AFAP1L2: variants seen among roughly 807,000 people sequenced by gnomAD.
AFAP1L2 encodes the protein actin filament associated protein 1 like 2, also known as actin filament-associated protein 1-like 2.
In AFAP1L2, 46 loss-of-function variants were observed where a neutral mutation model predicts 99.3. That is an observed-to-expected ratio of 0.46 (90% confidence interval 0.37 to 0.59). AFAP1L2 has a LOEUF of 0.59. Ranked by LOEUF, AFAP1L2 falls within the 20% of genes least tolerant of loss-of-function variation. The pLI is 0.00. For missense variants in AFAP1L2, 959 were observed against 1,034.9 expected (o/e 0.93, Z 1.01); for synonymous variants, 397 against 419.1 (o/e 0.95, Z 0.64).
At chr10:114,291,348 C>T (rs1033751633), downstream of AFAP1L2, 14 of 1,301,974 alleles carry the variant, frequency 1.1e-5, no homozygotes, top group Non-Finnish European at 1.3e-5. Flanking sequence ...TGCCCCAGGT[C>T]CTTAGAATGT....
intron 1 of AFAP1L2, among the ~76,000 whole-genome samples, chr10:114,398,077 C>T (rs972908259): frequency 6.6e-6 from 1 of 152,168 alleles, no homozygotes; most frequent in Non-Finnish European, 1.5e-5. Context: ...GAGGCAGGCT[C>T]CTCCTGTTTT....
the AFAP1L2 span, chr10:114,282,560 C>T: frequency 2.5e-6 from 4 of 1,613,898 alleles, no homozygotes; most frequent in African/African-American, 1.3e-5. Context: ...TGCTACAGGA[C>T]CACCTGCCCA....
the AFAP1L2 span, chr10:114,286,579 C>A: frequency 7.3e-7 from 1 of 1,375,890 alleles, no homozygotes; most frequent in African/African-American, 1.4e-5. Context: ...TTGGCCACCA[C>A]CTAACCATCA....
intron 7 of AFAP1L2, among the ~76,000 whole-genome samples, chr10:114,312,080 C>T (rs1361459093): frequency 2.6e-5 from 4 of 152,122 alleles, no homozygotes; most frequent in Admixed American, 1.3e-4. Context: ...CTGCTGAAAG[C>T]GTTCTTGTCT....
chr10:114,352,911 A>T (rs2050760118), intron 1 of AFAP1L2, among the ~76,000 whole-genome samples: 1 of 152,206 alleles, frequency 6.6e-6, no homozygotes, highest in Non-Finnish European at 1.5e-5. Context: ...TGTACAGTGG[A>T]TACCTGTTGC....
intron 12 of AFAP1L2, chr10:114,301,906 G>C (rs2041266704): frequency 3.9e-6 from 1 of 257,164 alleles, no homozygotes; most frequent in Non-Finnish European, 7.6e-6. Flanking sequence ...CACGAGACTG[G>C]CTCTACCACC....
chr10:114,333,104 C>T lies in AFAP1L2; in HGVS notation c.220+117G>A, dbSNP rs1030818301. The T allele has an allele frequency of 2.1e-5, 20 of 945,546 alleles. No individual in the cohort carries two copies. In the East Asian group the frequency reaches 2.3e-4, roughly 11 times the overall value. The allele number at this position is 945,546 out of a possible 1,614,324, so 58.6% of individuals were successfully genotyped here. A position where few individuals can be genotyped will look rare whatever the true frequency, so the allele number is the denominator to read the frequency against. On this transcript the variant is annotated intron_variant, in intron 3 of 18. Transcript: ENST00000304129. ...AAAATGTGGCTTCCAAAAATAACTC[C>T]GCCAGGCGGGTCTGTGTGCCGGCTG...
chr10:114,375,018 T>G (rs2054616379), intron 1 of AFAP1L2, among the ~76,000 whole-genome samples: 1 of 152,204 alleles, frequency 6.6e-6, no homozygotes, highest in African/African-American at 2.4e-5. Context: ...TCGGGGCTAC[T>G]GCCTGATCCT....
At chr10:114,299,669 G>A (rs529815150) in intron 15 of AFAP1L2, among the ~76,000 whole-genome samples, 3 of 152,350 alleles carry the variant, frequency 2.0e-5, no homozygotes, top group Admixed American at 6.5e-5. Context: ...GTGTGTCTGT[G>A]AGCGTGTTGC....
rs527765036 is a variant in AFAP1L2 at position 114,362,400 on chromosome 10, G to T, written c.17-21669C>A. ...GGGTTTAGGGAGGGCTCTGCACCCA[G>T]CGACTGGGGTCCTTGTAAGAGGAAG... is the stretch of plus-strand genomic sequence containing the variant. On this transcript the variant is annotated intron_variant, in intron 1 of 18. Transcript: ENST00000304129. Among the ~76,000 whole-genome samples the T allele has an allele frequency of 6.6e-5, 10 of 152,322 alleles. No homozygotes were observed. The East Asian group carries it at 1.9e-3, about 29-fold the overall frequency.
At chr10:114,351,970 G>A (rs1209393189) in intron 1 of AFAP1L2, among the ~76,000 whole-genome samples, 1 of 152,152 alleles carries the variant, frequency 6.6e-6, no homozygotes, top group African/African-American at 2.4e-5. Flanking sequence ...TCAGTTTCCT[G>A]GTGTGTAAAA....
chr10:114,310,073 G>A (rs999695201), intron 8 of AFAP1L2, among the ~76,000 whole-genome samples: 4 of 151,918 alleles, frequency 2.6e-5, no homozygotes, highest in Admixed American at 1.3e-4. Flanking sequence ...GATTACAGGC[G>A]CCCACCACCA....
In AFAP1L2 at chr10:114,314,097, C is replaced by T. The variant is rs528830681; in HGVS notation, c.613-47G>A. The T allele has an allele frequency of 2.7e-5, 43 of 1,570,556 alleles. 1 individual carries two copies. Among genetic ancestry groups the T allele is most frequent in the South Asian group, 2.7e-4 (23 of 85,292 alleles). On this transcript the variant is annotated intron_variant, in intron 6 of 18. Coordinates refer to ENST00000304129, the MANE Select transcript of AFAP1L2 (RefSeq NM_001001936.3). ...ACACCACTTTGCCAGGGGTGCCGGG[C>T]GGAGGTGATGTCTGCAAAGGAGGGG...
At chr10:114,343,412 C>T (rs1366637537) in intron 1 of AFAP1L2, among the ~76,000 whole-genome samples, 1 of 152,222 alleles carries the variant, frequency 6.6e-6, no homozygotes, top group Non-Finnish European at 1.5e-5. Flanking sequence ...ACTCTAGAGG[C>T]AAGTCAGTGG....
rs530420768 is a variant in AFAP1L2, at chr10:114,354,703, G to A, written c.17-13972C>T. 1.4e-4 allele frequency among the ~76,000 whole-genome samples: 22 copies of A among 152,284 alleles called. No homozygotes were observed. In the South Asian group the frequency reaches 4.6e-3, roughly 32 times the overall value. On this transcript the variant is annotated intron_variant, in intron 1 of 18. Coordinates refer to ENST00000304129, the MANE Select transcript of AFAP1L2 (RefSeq NM_001001936.3). Reference sequence around the variant, plus strand: ...CCATGAGGATGCATAATTGGAGTTAGAGGAGACCCCTCTTTTTCCAGTCTA... The same window carrying A: ...CCATGAGGATGCATAATTGGAGTTAAAGGAGACCCCTCTTTTTCCAGTCTA...
At position 114,295,819 on chromosome 10, in the gene AFAP1L2, A is replaced by G. The variant is rs2040120233; in HGVS notation, c.*223T>C. 2 of 1,366,476 alleles carry G rather than the reference A, an allele frequency of 1.5e-6. No individual in the cohort carries two copies. The highest frequency in any genetic ancestry group is 9.4e-7 in the Non-Finnish European group (1 of 1,059,504). 84.6% of individuals were successfully genotyped at this position (1,366,476 alleles called of 1,614,324 possible). A position where few individuals can be genotyped will look rare whatever the true frequency, so the allele number is the denominator to read the frequency against. On this transcript the variant is annotated 3_prime_UTR_variant, in exon 19 of 19. Transcript: ENST00000304129. ...AAATACAACGTCTTGTTTACATCCA[A>G]TAGACTTAGGTCTCCAAAGAAGCCT... is the stretch of plus-strand genomic sequence containing the variant.
intron 1 of AFAP1L2, among the ~76,000 whole-genome samples, chr10:114,397,480 A>G (rs1287075273): frequency 6.6e-6 from 1 of 152,204 alleles, no homozygotes; most frequent in Non-Finnish European, 1.5e-5. Context: ...GAGACAAAAT[A>G]ATTGGTTCCA....
At position 114,323,191 on chromosome 10, in the gene AFAP1L2, G is replaced by A. The variant is rs1375592793; in HGVS notation, c.386C>T (p.Pro129Leu). The A allele has an allele frequency of 1.3e-6, 2 of 1,599,554 alleles. No individual in the cohort carries two copies. Among genetic ancestry groups the A allele is most frequent in the Non-Finnish European group, 1.7e-6 (2 of 1,172,030 alleles). Residue 129 changes from proline to leucine, a missense_variant, in exon 5 of 19, where the codon CCA becomes CTA. By Grantham distance (98) the Pro-to-Leu change is moderately conservative. This residue lies in a region of AFAP1L2 where 383 missense variants were observed against 472.8 expected (regional missense o/e 0.81). Transcript: ENST00000304129. ...TGTACCATTGAGGGATGTGTCATAT[G>A]GCTCAGCCTCTTCATAGTAGCCCTC... ...SPEGYYEEAE[P>L]YDTSLNEDGE...
At chr10:114,324,396 ACCC>A (rs56354768) in intron 4 of AFAP1L2, among the ~76,000 whole-genome samples, 95,181 of 127,170 alleles carry the variant, frequency 0.75, 37,719 homozygotes, top group East Asian at 0.95. Flanking sequence ...GGGGTGCACC[ACCC>A]CCCCCCCCCC....
Sources: allele counts gnomAD v4.1 joint callset (sites outside exome capture counted in the v4.1 genomes callset), GRCh38; gene constraint gnomAD v4.1.1; regional missense constraint gnomAD v4.1.1; transcripts MANE v1.5; gene names NCBI Gene and HGNC (gene_info 2026-07-23, HGNC 2026-07-21).